The following PHIP variants were observed in gnomAD, a reference collection of about 807,000 sequenced individuals.
The protein encoded by PHIP is PH-interacting protein.
A neutral mutation model predicts 236.8 loss-of-function variants in PHIP; 54 were observed. The ratio of observed to expected loss-of-function variants is 0.23; its 90% CI spans 0.18 to 0.29. PHIP has a LOEUF of 0.29. Among genes scored for constraint, PHIP ranks in the 10% least tolerant of loss-of-function variants. The pLI, the probability that PHIP is intolerant of heterozygous loss-of-function variation, is 1.00. For synonymous variants in PHIP, 756 were observed against 718.9 expected, an observed-to-expected ratio of 1.05 and a Z score of -0.83; for missense variants, 1,370 against 2,190.8, an observed-to-expected ratio of 0.63 and a Z score of 7.48.
rs541352245 is a variant in PHIP at position 79,071,305 on chromosome 6, TC to T, written c.189+6142del. Among the ~76,000 whole-genome samples, 10 of 152,220 alleles carry T rather than the reference TC, an allele frequency of 6.6e-5. No individual in the cohort carries two copies. In the South Asian group the frequency reaches 1.9e-3, roughly 28 times the overall value. On this transcript the variant is annotated intron_variant, in intron 4 of 39. Coordinates refer to ENST00000275034, the MANE Select transcript of PHIP (RefSeq NM_017934.7). ...TTTTCAGTACCCTGCTTTATCAAAT[TC>T]CATCAAGAAAAAACATGTTATCATT...
At chr6:78,978,551 C>G (rs1181592456) in intron 24 of PHIP, 41 bp downstream of exon 24, 3 of 1,516,584 alleles carry the variant, frequency 2.0e-6, no homozygotes, top group Non-Finnish European at 2.7e-6. Flanking sequence ...ATGTTTAAAA[C>G]TATGTGAGGA....
chr6:78,948,408 G>T (rs1378129788), intron 35 of PHIP, among the ~76,000 whole-genome samples: 1 of 152,134 alleles, frequency 6.6e-6, no homozygotes, highest in African/African-American at 2.4e-5. Context: ...CGTGAAACAG[G>T]AAGAGCAACA....
intron 39 of PHIP, among the ~76,000 whole-genome samples, chr6:78,944,168 A>G (rs574849974): frequency 6.6e-6 from 1 of 152,204 alleles, no homozygotes; most frequent in South Asian, 2.1e-4. Context: ...AGGAACTTCT[A>G]AGTGTTTAGG....
chr6:78,993,652 AT>A (rs1769415758), intron 19 of PHIP, among the ~76,000 whole-genome samples: 1 of 152,184 alleles, frequency 6.6e-6, no homozygotes, highest in Non-Finnish European at 1.5e-5. Context: ...TTTACTGAAT[AT>A]TTTTAGCCCA....
intron 7 of PHIP, among the ~76,000 whole-genome samples, chr6:79,032,291 A>G (rs1326645471): frequency 5.3e-5 from 8 of 152,130 alleles, no homozygotes; most frequent in Non-Finnish European, 2.9e-5. Context: ...TAAGACAACA[A>G]TGAAGTCTGC....
intron 15 of PHIP, among the ~76,000 whole-genome samples, chr6:79,011,634 T>C (rs1184376565): frequency 6.6e-6 from 1 of 151,820 alleles, no homozygotes; most frequent in East Asian, 1.9e-4. Context: ...CAACTGCTTT[T>C]ATCATTGAGA....
rs147061772 is a variant in PHIP at position 78,986,398 on chromosome 6, T to G, written c.2461-970A>C. On this transcript the variant is annotated intron_variant, in intron 21 of 39. Coordinates refer to ENST00000275034, the MANE Select transcript of PHIP (RefSeq NM_017934.7). The stretch of plus-strand genomic sequence containing the variant: ...ATGCTCCAATAACAATAACACCTCA[T>G]ATTTATTAAGCTTTTACTGTATGTT... Among the ~76,000 whole-genome samples, 475 of 152,352 alleles carry G rather than the reference T, an allele frequency of 3.1e-3. 2 individuals are homozygous for G. Among genetic ancestry groups the G allele is most frequent in the African/African-American group, 0.01 (420 of 41,590 alleles).
At chr6:79,008,696 T>C (rs1023381871) in intron 15 of PHIP, among the ~76,000 whole-genome samples, 3 of 152,150 alleles carry the variant, frequency 2.0e-5, no homozygotes. Context: ...GTAAACTATA[T>C]ACTATAAGAA....
chr6:79,005,693 CA>C (rs1427341433), intron 15 of PHIP, among the ~76,000 whole-genome samples: 2 of 151,914 alleles, frequency 1.3e-5, no homozygotes, highest in Non-Finnish European at 2.9e-5. Context: ...TCTAAGATTA[CA>C]ATTTGAAGTA....
chr6:78,955,650 T>C lies in PHIP; in HGVS notation c.3815A>G (p.Tyr1272Cys), dbSNP rs148189504. Residue 1272 changes from tyrosine (Y) to cysteine (C), a missense_variant, in exon 33 of 40, where the codon TAT becomes TGT. Physicochemically the swap from Tyr to Cys is radical, Grantham distance 194. This residue lies in a region of PHIP where 38 missense variants were observed against 27.6 expected (regional missense o/e 1.38). Coordinates refer to ENST00000275034, the MANE Select transcript of PHIP (RefSeq NM_017934.7). ...CAAAACTTTCTTCTTCATTGAATTA[T>C]AAAGTGGAATTATGTTATAACAAGT... ...DQTCYNIIPL[Y>C]NSMKKKVLSD... 4.8e-5 allele frequency: 53 copies of C among 1,097,904 alleles called. No individual in the cohort carries two copies. The African/African-American group carries it at 7.1e-4, about 15-fold the overall frequency. 68.0% of individuals were successfully genotyped at this position (1,097,904 alleles called of 1,614,324 possible). A position where few individuals can be genotyped will look rare whatever the true frequency, so the allele number is the denominator to read the frequency against.
chr6:78,972,373 T>C (rs1404428125), intron 24 of PHIP, among the ~76,000 whole-genome samples: 1 of 152,062 alleles, frequency 6.6e-6, no homozygotes, highest in African/African-American at 2.4e-5. Context: ...CAAAAACCCA[T>C]CTGTACATCA....
chr6:78,938,049 A>G lies in PHIP; in HGVS notation c.*2644T>C, dbSNP rs1474241235. 6.6e-6 allele frequency: 1 copy of G among 151,724 alleles called. No individual in the cohort carries two copies. The highest frequency in any genetic ancestry group is 2.4e-5 in the African/African-American group (1 of 41,422). 9.4% of individuals were successfully genotyped at this position (151,724 alleles called of 1,614,324 possible). ...ACATAGTGTTACTGCCTCAAAGAGG[A>G]TTATTTTCCCAAGTGGTAAAGAAAA... On this transcript the variant is annotated 3_prime_UTR_variant, in exon 40 of 40. Transcript: ENST00000275034.
chr6:79,045,659 T>C lies in PHIP; in HGVS notation c.440-2656A>G, dbSNP rs1772448925. ...GAAATTAATAAGAGACCAATTAATTTGAGTAAAAAGGAAATGTCTCTTGGA... is the reference window on the plus strand; with the variant it reads ...GAAATTAATAAGAGACCAATTAATTCGAGTAAAAAGGAAATGTCTCTTGGA... On this transcript the variant is annotated intron_variant, in intron 6 of 39. Coordinates refer to ENST00000275034, the MANE Select transcript of PHIP (RefSeq NM_017934.7). Among the ~76,000 whole-genome samples the C allele has an allele frequency of 2.6e-5, 4 of 152,138 alleles. No homozygotes were observed. The South Asian group carries it at 6.2e-4, about 24-fold the overall frequency.
intron 38 of PHIP, chr6:78,945,701 C>T: frequency 1.7e-6 from 1 of 603,538 alleles, no homozygotes; most frequent in East Asian, 2.9e-5. Context: ...GAAGCTGTCC[C>T]ATCATTTCAA....
intron 29 of PHIP, 23 bp from the exon 30 acceptor site, chr6:78,963,275 T>C (rs373872576): frequency 8.8e-5 from 139 of 1,578,272 alleles, no homozygotes; most frequent in Non-Finnish European, 1.2e-4. Flanking sequence ...AGCAGATCAT[T>C]GCAAATACAT....
intron 15 of PHIP, among the ~76,000 whole-genome samples, chr6:79,012,407 T>C (rs1393201488): frequency 6.6e-6 from 1 of 151,754 alleles, no homozygotes; most frequent in Non-Finnish European, 1.5e-5. Flanking sequence ...TCACATGAAA[T>C]ATTATTTAAT....
At chr6:78,963,591 A>G (rs1766935539) in intron 29 of PHIP, among the ~76,000 whole-genome samples, 1 of 152,200 alleles carries the variant, frequency 6.6e-6, no homozygotes, top group Non-Finnish European at 1.5e-5. Flanking sequence ...TTACTTTGAT[A>G]AAGTATACAC....
intron 32 of PHIP, chr6:78,956,002 CTTTT>C (rs750575967): frequency 7.0e-4 from 123 of 175,510 alleles, no homozygotes; most frequent in Non-Finnish European, 2.9e-4. Flanking sequence ...CCAACTCTTT[CTTTT>C]ATTTTTAAAT....
intron 15 of PHIP, among the ~76,000 whole-genome samples, chr6:79,011,509 A>G (rs1770574009): frequency 6.6e-6 from 1 of 151,792 alleles, no homozygotes; most frequent in Non-Finnish European, 1.5e-5. Context: ...GGGGGAGTAC[A>G]AGCTACATAT....
Sources: gnomAD v4.1 joint callset for allele counts (sites outside exome capture counted in the v4.1 genomes callset) on GRCh38, gnomAD v4.1.1 for gene constraint, gnomAD v4.1.1 regional missense constraint, MANE v1.5 for transcripts, NCBI Gene and HGNC (gene_info 2026-07-23, HGNC 2026-07-21) for gene names.